Variants in TIAM2 observed in about 807,000 individuals in gnomAD.
The protein encoded by TIAM2 is TIAM Rac1 associated GEF 2.
TIAM2 carries 80 observed loss-of-function variants against 152.9 expected under a neutral mutation model. The ratio of observed to expected loss-of-function variants is 0.52; its 90% CI spans 0.44 to 0.63. The LOEUF is 0.63. Among genes scored for constraint, TIAM2 ranks in the 30% least tolerant of loss-of-function variants. TIAM2 has a pLI of 0.00. For missense variants in TIAM2, 1,965 were observed against 2,120.1 expected (o/e 0.93, Z 1.44); for synonymous variants, 804 against 838.0 (o/e 0.96, Z 0.70).
chr6:155,029,919 A>G (rs1471420278), intron 1 of TIAM2, among the ~76,000 whole-genome samples: 1 of 151,416 alleles, frequency 6.6e-6, no homozygotes, highest in Non-Finnish European at 1.5e-5. Context: ...CAGCCTCCCA[A>G]GTAGCTGGGA....
chr6:155,255,591 C>T (rs1442397168), intron 26 of TIAM2: 1 of 150,638 alleles, frequency 6.6e-6, no homozygotes, highest in Non-Finnish European at 1.5e-5. Context: ...AACTCCCTTC[C>T]TTCTTTCAAT....
intron 2 of TIAM2, among the ~76,000 whole-genome samples, chr6:155,121,295 A>C (rs931082430): frequency 6.6e-6 from 1 of 152,216 alleles, no homozygotes; most frequent in East Asian, 1.9e-4. Context: ...ATATCATAAC[A>C]TACAAAATTA....
intron 1 of TIAM2, among the ~76,000 whole-genome samples, chr6:155,042,780 G>A (rs1777078588): frequency 7.2e-6 from 1 of 139,262 alleles, no homozygotes; most frequent in Non-Finnish European, 1.6e-5. Context: ...TGAGAACGCT[G>A]AAAATCTACT....
chr6:155,168,969 G>A (rs1780509180), intron 9 of TIAM2: 4 of 1,410,850 alleles, frequency 2.8e-6, no homozygotes, highest in East Asian at 5.1e-5. Context: ...TGACACAAAT[G>A]CTAACTTTTT....
At chr6:155,016,216 A>C (rs1019143697) in intron 1 of TIAM2, 3 of 152,312 alleles carry the variant, frequency 2.0e-5, no homozygotes, top group African/African-American at 7.2e-5. Context: ...TTGCACAAGA[A>C]TATTTATTGC....
chr6:155,087,384 G>A (rs988541159), intron 1 of TIAM2, among the ~76,000 whole-genome samples: 2 of 152,200 alleles, frequency 1.3e-5, no homozygotes, highest in African/African-American at 2.4e-5. Flanking sequence ...GGTTTTTAAA[G>A]ATTGTCAGTA....
chr6:155,128,322 TC>T (rs1261297836), intron 3 of TIAM2, among the ~76,000 whole-genome samples: 1 of 152,156 alleles, frequency 6.6e-6, no homozygotes, highest in African/African-American at 2.4e-5. Flanking sequence ...CATCTCAGCC[TC>T]ATTTTTGAGG....
At chr6:155,070,138 C>A (rs922762640) in intron 1 of TIAM2, among the ~76,000 whole-genome samples, 2 of 149,416 alleles carry the variant, frequency 1.3e-5, no homozygotes, top group South Asian at 2.1e-4. Flanking sequence ...AACTCCTGAT[C>A]TCAGGTGATC....
At chr6:155,168,389 G>A (rs1033941052) in intron 9 of TIAM2, among the ~76,000 whole-genome samples, 11 of 151,800 alleles carry the variant, frequency 7.2e-5, no homozygotes, top group Admixed American at 5.9e-4. Context: ...ATACAGTCTC[G>A]TGCTGTTGCC....
chr6:155,113,566 A>C (rs189011441), intron 2 of TIAM2, among the ~76,000 whole-genome samples: 1 of 152,036 alleles, frequency 6.6e-6, no homozygotes, highest in Admixed American at 6.6e-5. Context: ...ACTTAAAAAA[A>C]TACAAAAATT....
At chr6:155,205,182 TAA>T (rs61272546) in intron 14 of TIAM2, among the ~76,000 whole-genome samples, 89 of 40,430 alleles carry the variant, frequency 2.2e-3, no homozygotes, top group Non-Finnish European at 3.6e-3. Flanking sequence ...TATTAATTTC[TAA>T]AAAAAAAAAA....
At chr6:155,251,852 G>A (rs3011899) in intron 22 of TIAM2, 93 bp from the exon 23 acceptor site, 950,673 of 961,420 alleles carry the variant, frequency 0.99, 470,179 homozygotes, top group East Asian at 1. Context: ...CATACGTTTG[G>A]AGAGTGTTAC....
chr6:155,066,260 T>C, intron 1 of TIAM2, among the ~76,000 whole-genome samples: 1 of 152,238 alleles, frequency 6.6e-6, no homozygotes, highest in South Asian at 2.1e-4. Context: ...CACTTCCATC[T>C]CCACTTTCAG....
rs760957354 is a variant in TIAM2, at chr6:155,253,050, G to T, written c.4222G>T (p.Ala1408Ser). Residue 1408 changes from alanine (A) to serine (S), a missense_variant, in exon 24 of 27, where the codon GCA (alanine) becomes TCA (serine). Ala to Ser is a moderately conservative substitution (Grantham distance 99). Transcript: ENST00000682666. ...GCTTCAAGTCAGACTGGGGAATCCAGCAGGTAACTGTTTCGTGCAGTATGA... is the reference window on the plus strand; with the variant it reads ...GCTTCAAGTCAGACTGGGGAATCCATCAGGTAACTGTTTCGTGCAGTATGA... ...SALQVRLGNPAGTENNSIWEL... is the reference protein window; with the variant it reads ...SALQVRLGNPSGTENNSIWEL... 6 of 1,613,610 alleles carry T rather than the reference G, an allele frequency of 3.7e-6. No individual in the cohort carries two copies. Among genetic ancestry groups the T allele is most frequent in the Non-Finnish European group, 4.2e-6 (5 of 1,179,562 alleles).
chr6:155,117,451 C>T (rs1315444169), intron 2 of TIAM2, among the ~76,000 whole-genome samples: 3 of 152,180 alleles, frequency 2.0e-5, no homozygotes, highest in Non-Finnish European at 4.4e-5. Context: ...TATTCTCTCT[C>T]TTCCCCCTGT....
chr6:155,047,184 T>C (rs1159022704), intron 1 of TIAM2, among the ~76,000 whole-genome samples: 2 of 152,144 alleles, frequency 1.3e-5, no homozygotes, highest in African/African-American at 4.8e-5. Context: ...CTTTTTATTT[T>C]ACTTTTTTGA....
intron 26 of TIAM2, 142 bp from the exon 27 acceptor site, chr6:155,256,342 C>CTAAT: frequency 4.7e-6 from 6 of 1,272,720 alleles, no homozygotes; most frequent in Non-Finnish European, 6.4e-6. Context: ...ACATTTTTGC[C>CTAAT]TAATTACCAG....
chr6:155,027,888 TTACA>T (rs1203976318), intron 1 of TIAM2, among the ~76,000 whole-genome samples: 2 of 100,788 alleles, frequency 2.0e-5, no homozygotes, highest in East Asian at 2.3e-4. Context: ...ATGTACTGTG[TTACA>T]TATATACTAT....
intron 5 of TIAM2, among the ~76,000 whole-genome samples, chr6:155,139,049 C>T (rs1474862726): frequency 6.6e-6 from 1 of 152,230 alleles, no homozygotes; most frequent in Non-Finnish European, 1.5e-5. Context: ...CCCCCTGGGA[C>T]TCTTTGTCAG....
Sources: allele counts gnomAD v4.1 joint callset (sites outside exome capture counted in the v4.1 genomes callset), GRCh38; gene constraint gnomAD v4.1.1; transcripts MANE v1.5; gene names NCBI Gene and HGNC (gene_info 2026-07-23, HGNC 2026-07-21).